The following DGKB variants were observed in gnomAD, a reference collection of about 807,000 sequenced individuals.
DGKB encodes diacylglycerol kinase beta.
DGKB carries 67 observed loss-of-function variants against 114.3 expected under a neutral mutation model. That is an observed-to-expected ratio of 0.59 (90% CI 0.48 to 0.72). The LOEUF (loss-of-function observed/expected upper bound fraction) is 0.72. Among genes scored for constraint, DGKB ranks in the 30% least tolerant of loss-of-function variants. DGKB has a pLI of 0.00. For synonymous variants in DGKB, 398 were observed against 323.1 expected (o/e 1.23, Z -2.49); for missense variants, 907 against 975.2 (o/e 0.93, Z 0.93).
intron 2 of DGKB, among the ~76,000 whole-genome samples, chr7:14,802,443 C>G (rs1012780784): frequency 1.3e-5 from 2 of 152,096 alleles, no homozygotes; most frequent in Admixed American, 6.6e-5. Flanking sequence ...AGTATGTTTT[C>G]TGGCTTCTCT....
intron 2 of DGKB, among the ~76,000 whole-genome samples, chr7:14,813,947 A>G (rs890650000): frequency 6.6e-6 from 1 of 152,174 alleles, no homozygotes; most frequent in African/African-American, 2.4e-5. Flanking sequence ...CATATTTTAA[A>G]CAAATATTTA....
chr7:14,909,504 G>GA (rs939803466), intron 1 of DGKB, among the ~76,000 whole-genome samples: 22 of 149,350 alleles, frequency 1.5e-4, no homozygotes, highest in African/African-American at 2.5e-4. Flanking sequence ...TGTAGAAATT[G>GA]AAAAAAAAAT....
chr7:14,890,577 A>G (rs1003961380), intron 1 of DGKB, among the ~76,000 whole-genome samples: 2 of 151,482 alleles, frequency 1.3e-5, no homozygotes, highest in Non-Finnish European at 3.0e-5. Context: ...ATTTCTCCAC[A>G]CTTCATATAG....
intron 21 of DGKB, among the ~76,000 whole-genome samples, chr7:14,449,484 C>T (rs1831172381): frequency 6.6e-6 from 1 of 152,018 alleles, no homozygotes; most frequent in Non-Finnish European, 1.5e-5. Flanking sequence ...ACCCCCTACA[C>T]TTGGAACAGG....
chr7:14,223,585 A>G (rs999438666), intron 23 of DGKB, among the ~76,000 whole-genome samples: 2 of 151,802 alleles, frequency 1.3e-5, no homozygotes, highest in African/African-American at 4.8e-5. Context: ...TTCAATAACT[A>G]TATCAGTGCC....
At chr7:14,653,496 G>A (rs1412001144) in intron 13 of DGKB, among the ~76,000 whole-genome samples, 1 of 151,892 alleles carries the variant, frequency 6.6e-6, no homozygotes, top group African/African-American at 2.4e-5. Context: ...CACACTCTGG[G>A]GACTGTTGTG....
rs565460853 is a variant in DGKB at position 14,183,935 on chromosome 7, C to T, written c.2123-5784G>A. On this transcript the variant is annotated intron_variant, in intron 23 of 25. Coordinates refer to ENST00000402815, the MANE Select transcript of DGKB (RefSeq NM_001350709.2). ...CTCTGACGGAAGTGGACTGCTCCTG[C>T]GGAGCCTGGGAGACCCCCCAAATAC... 3.3e-3 allele frequency among the ~76,000 whole-genome samples: 499 copies of T among 152,260 alleles called. 2 individuals are homozygous for T. Among genetic ancestry groups the T allele is most frequent in the African/African-American group, 0.011 (477 of 41,526 alleles).
chr7:14,711,197 A>G (rs1827298831), intron 6 of DGKB, among the ~76,000 whole-genome samples: 1 of 152,094 alleles, frequency 6.6e-6, no homozygotes, highest in Non-Finnish European at 1.5e-5. Context: ...CATTAACAAG[A>G]GTTAATGCTC....
At chr7:14,384,062 C>G (rs1242573093) in intron 21 of DGKB, among the ~76,000 whole-genome samples, 2 of 152,078 alleles carry the variant, frequency 1.3e-5, no homozygotes, top group African/African-American at 4.8e-5. Context: ...CAGTAACAAC[C>G]CACTTAGTCA....
intron 12 of DGKB, among the ~76,000 whole-genome samples, chr7:14,675,746 C>T (rs1316746264): frequency 6.6e-6 from 1 of 151,820 alleles, no homozygotes; most frequent in African/African-American, 2.4e-5. Context: ...CAGAGTCACA[C>T]AATGCAAGAA....
chr7:14,232,438 C>CTATTAT (rs1288065882), intron 23 of DGKB, among the ~76,000 whole-genome samples: 1 of 149,304 alleles, frequency 6.7e-6, no homozygotes, highest in Non-Finnish European at 1.5e-5. Context: ...ATTATTATTA[C>CTATTAT]TATTATTATT....
intron 20 of DGKB, among the ~76,000 whole-genome samples, chr7:14,554,842 C>A (rs1795651761): frequency 6.6e-6 from 1 of 151,934 alleles, no homozygotes; most frequent in African/African-American, 2.4e-5. Context: ...CTATTACATG[C>A]TTATTTTTTA....
chr7:14,216,934 C>A (rs1263294233), intron 23 of DGKB, among the ~76,000 whole-genome samples: 3 of 151,918 alleles, frequency 2.0e-5, no homozygotes, highest in African/African-American at 7.2e-5. Flanking sequence ...AATTTATTTT[C>A]TATACAGTTT....
intron 4 of DGKB, among the ~76,000 whole-genome samples, chr7:14,752,658 A>G (rs1257523101): frequency 6.6e-6 from 1 of 152,190 alleles, no homozygotes; most frequent in Non-Finnish European, 1.5e-5. Flanking sequence ...CATGAAACAA[A>G]GACTGGGCAA....
chr7:14,746,356 C>T (rs1833286257), intron 4 of DGKB, among the ~76,000 whole-genome samples: 1 of 151,990 alleles, frequency 6.6e-6, no homozygotes, highest in Non-Finnish European at 1.5e-5. Flanking sequence ...ATCAATCATT[C>T]AGAGTTGTCC....
chr7:14,214,929 C>G (rs939619963), intron 23 of DGKB, among the ~76,000 whole-genome samples: 1 of 152,124 alleles, frequency 6.6e-6, no homozygotes, highest in African/African-American at 2.4e-5. Flanking sequence ...TCCATTCGCT[C>G]CTCCCTCCTT....
intron 20 of DGKB, among the ~76,000 whole-genome samples, chr7:14,499,329 G>A (rs1464788638): frequency 6.6e-6 from 1 of 151,630 alleles, no homozygotes; most frequent in South Asian, 2.1e-4. Flanking sequence ...ACTTTGGCAG[G>A]AAGCAAGTCT....
intron 21 of DGKB, among the ~76,000 whole-genome samples, chr7:14,365,060 G>T (rs2128637678): frequency 6.6e-6 from 1 of 151,590 alleles, no homozygotes; most frequent in Admixed American, 6.6e-5. Context: ...ATCACTTATG[G>T]TTTTTTACGT....
intron 25 of DGKB, chr7:14,176,046 A>G (rs1781691240): frequency 6.6e-6 from 1 of 151,998 alleles, no homozygotes; most frequent in South Asian, 2.1e-4. Context: ...CCTTATCTCA[A>G]GTAGTATTTA....
Sources: gnomAD v4.1 joint callset for allele counts (sites outside exome capture counted in the v4.1 genomes callset) on GRCh38, gnomAD v4.1.1 for gene constraint, MANE v1.5 for transcripts, NCBI Gene and HGNC (gene_info 2026-07-23, HGNC 2026-07-21) for gene names.